SLC4A4: variants seen among roughly 807,000 people sequenced by gnomAD.
SLC4A4 encodes the protein electrogenic sodium bicarbonate cotransporter 1.
SLC4A4 carries 27 observed loss-of-function variants against 111.5 expected under a neutral mutation model. The observed-to-expected ratio is 0.24, with a 90% confidence interval of 0.18 to 0.33. The LOEUF is 0.33. Ranked by LOEUF, SLC4A4 falls within the 10% of genes least tolerant of loss-of-function variation. SLC4A4 has a pLI of 1.00. For missense variants in SLC4A4, 909 were observed against 1,315.5 expected (o/e 0.69, Z 4.78); for synonymous variants, 443 against 463.4 (o/e 0.96, Z 0.57).
At chr4:71,513,837 T>G (rs946827827) in intron 16 of SLC4A4, among the ~76,000 whole-genome samples, 6 of 152,216 alleles carry the variant, frequency 3.9e-5, no homozygotes, top group Non-Finnish European at 7.3e-5. Flanking sequence ...GTTTTTATCA[T>G]GAAAGGATGT....
At chr4:71,246,157 C>T (rs1720643077) in intron 2 of SLC4A4, among the ~76,000 whole-genome samples, 1 of 152,168 alleles carries the variant, frequency 6.6e-6, no homozygotes, top group African/African-American at 2.4e-5. Flanking sequence ...ATGTGCTCCA[C>T]TTCACTTAAC....
chr4:71,244,336 T>C (rs1385152420), intron 2 of SLC4A4, among the ~76,000 whole-genome samples: 1 of 152,232 alleles, frequency 6.6e-6, no homozygotes, highest in Admixed American at 6.5e-5. Context: ...CATGTGGTTA[T>C]GGTTCCTTCA....
At chr4:71,332,263 C>T (rs1275455394) in intron 3 of SLC4A4, among the ~76,000 whole-genome samples, 1 of 151,756 alleles carries the variant, frequency 6.6e-6, no homozygotes, top group Admixed American at 6.6e-5. Context: ...ATGCATTGTT[C>T]GGTTTTTTGT....
rs557194231 is a variant in SLC4A4, at chr4:71,345,572, A to C, written c.390-4340A>C. Among the ~76,000 whole-genome samples, 7 of 152,212 alleles carry C rather than the reference A, an allele frequency of 4.6e-5. No individual in the cohort carries two copies. In the South Asian group the frequency reaches 1.4e-3, roughly 32 times the overall value. On this transcript the variant is annotated intron_variant, in intron 4 of 25. Coordinates refer to ENST00000264485, the MANE Select transcript of SLC4A4 (RefSeq NM_001098484.3). ...GTATTGATGTTTTACTTCCAACTGG[A>C]CACCACAAATGTACACCCACTTGTG... is the stretch of plus-strand genomic sequence containing the variant.
chr4:71,487,030 A>G lies in SLC4A4; in HGVS notation c.1974+12A>G. On this transcript the variant is annotated intron_variant, in intron 15 of 25. Transcript: ENST00000264485. ...CTTCTACTGACATGGTAAGTGACTTACTATTTTAAATTACCTTCATACTGA... is the reference window on the plus strand; with the variant it reads ...CTTCTACTGACATGGTAAGTGACTTGCTATTTTAAATTACCTTCATACTGA... 6.6e-7 allele frequency: 1 copy of G among 1,517,620 alleles called. No homozygotes were observed. The highest frequency in any genetic ancestry group is 9.1e-7 in the Non-Finnish European group (1 of 1,094,386). The allele number at this position is 1,517,620 out of a possible 1,614,324, so 94.0% of individuals were successfully genotyped here.
intron 7 of SLC4A4, among the ~76,000 whole-genome samples, chr4:71,427,345 T>C (rs1265456493): frequency 6.6e-6 from 1 of 152,092 alleles, no homozygotes; most frequent in Admixed American, 6.6e-5. Flanking sequence ...TTTTGATATG[T>C]CATGTGTTCA....
At chr4:71,092,693 G>T (rs184308547) in intron 1 of SLC4A4, among the ~76,000 whole-genome samples, 42 of 152,334 alleles carry the variant, frequency 2.8e-4, no homozygotes, top group African/African-American at 6.7e-4. Context: ...TGTATTATTT[G>T]AGATACATCA....
At position 71,166,409 on chromosome 4, in the gene SLC4A4, G is replaced by C. The variant is rs72860071; in HGVS notation, c.-1-70167G>C. Among the ~76,000 whole-genome samples, 808 of 152,316 alleles carry C rather than the reference G, an allele frequency of 5.3e-3. 9 individuals are homozygous for C. The highest frequency in any genetic ancestry group is 0.019 in the African/African-American group (773 of 41,570). On this transcript the variant is annotated intron_variant, in intron 2 of 26. Coordinates refer to the SLC4A4 transcript ENST00000649996. ...ATCTTAATAACAAAGACCAAATTCT[G>C]TTAGTTCACAGGTCTCATAAGAAAG... is the stretch of plus-strand genomic sequence containing the variant.
At chr4:71,287,940 A>G (rs1469670545) in intron 3 of SLC4A4, among the ~76,000 whole-genome samples, 1 of 151,988 alleles carries the variant, frequency 6.6e-6, no homozygotes, top group Non-Finnish European at 1.5e-5. Context: ...ACTTTATATC[A>G]TCTACTACTG....
intron 6 of SLC4A4, among the ~76,000 whole-genome samples, chr4:71,373,161 C>T (rs1336387609): frequency 6.6e-6 from 1 of 152,134 alleles, no homozygotes; most frequent in Non-Finnish European, 1.5e-5. Flanking sequence ...AACAGCTGTT[C>T]ACCAAGCTTC....
chr4:71,499,566 G>T (rs4435714), intron 16 of SLC4A4, among the ~76,000 whole-genome samples: 1 of 152,146 alleles, frequency 6.6e-6, no homozygotes, highest in Admixed American at 6.6e-5. Context: ...TACTTTGTAC[G>T]CTTTGACCAA....
intron 14 of SLC4A4, among the ~76,000 whole-genome samples, chr4:71,473,733 G>T (rs1165070596): frequency 2.0e-5 from 3 of 151,750 alleles, no homozygotes; most frequent in African/African-American, 7.3e-5. Flanking sequence ...GTTCAGCTTG[G>T]TCTTTGGAAT....
rs534093293 is a variant in SLC4A4, at chr4:71,204,195, T to G, written c.-2+16794T>G. 2.0e-5 allele frequency among the ~76,000 whole-genome samples: 3 copies of G among 152,312 alleles called. No homozygotes were observed. The East Asian group carries it at 5.8e-4, about 29-fold the overall frequency. ...AACAATAAACCTGGTGGGTTCACTTTAAGTGTGGTTTCCTGAAAATTGATG... is the reference window on the plus strand; with the variant it reads ...AACAATAAACCTGGTGGGTTCACTTGAAGTGTGGTTTCCTGAAAATTGATG... On this transcript the variant is annotated intron_variant, in intron 1 of 25. Coordinates refer to ENST00000264485, the MANE Select transcript of SLC4A4 (RefSeq NM_001098484.3).
intron 6 of SLC4A4, among the ~76,000 whole-genome samples, chr4:71,374,240 T>C (rs1393882804): frequency 1.3e-5 from 2 of 152,210 alleles, no homozygotes; most frequent in Admixed American, 1.3e-4. Flanking sequence ...TTTTTTCAGA[T>C]GCAGACTTGT....
At chr4:71,526,487 T>G (rs891051150) in intron 16 of SLC4A4, among the ~76,000 whole-genome samples, 1 of 152,138 alleles carries the variant, frequency 6.6e-6, no homozygotes, top group Non-Finnish European at 1.5e-5. Flanking sequence ...TGTTTTTAGC[T>G]ACTTTTATGC....
chr4:71,323,944 C>T (rs1727308948), intron 3 of SLC4A4, among the ~76,000 whole-genome samples: 1 of 151,896 alleles, frequency 6.6e-6, no homozygotes, highest in African/African-American at 2.4e-5. Context: ...TTGAGAGTTT[C>T]ATGCTTGACT....
rs535301425 is a variant in SLC4A4 at position 71,252,508 on chromosome 4, C to A, written c.74-2712C>A. Among the ~76,000 whole-genome samples, 6 of 152,298 alleles carry A rather than the reference C, an allele frequency of 3.9e-5. No homozygotes were observed. In the East Asian group the frequency reaches 1.2e-3, roughly 29 times the overall value. ...AGAAAAGGAAAATTTAGTTACCAAT[C>A]ACATGTGAGAGGAGGAGGATGCTTT... On this transcript the variant is annotated intron_variant, in intron 2 of 25. Transcript: ENST00000264485.
intron 12 of SLC4A4, among the ~76,000 whole-genome samples, chr4:71,460,899 A>G (rs1362516527): frequency 1.3e-5 from 2 of 152,120 alleles, no homozygotes; most frequent in African/African-American, 4.8e-5. Context: ...ATCTTCTGAG[A>G]TGACTCTCAT....
intron 3 of SLC4A4, among the ~76,000 whole-genome samples, chr4:71,309,088 C>G (rs912034971): frequency 5.3e-5 from 8 of 152,166 alleles, no homozygotes; most frequent in African/African-American, 1.9e-4. Flanking sequence ...GTGGCTTTCC[C>G]CTGACCATGC....
Sources: gnomAD v4.1 joint callset for allele counts (sites outside exome capture counted in the v4.1 genomes callset) on GRCh38, gnomAD v4.1.1 for gene constraint, MANE v1.5 for transcripts, NCBI Gene and HGNC (gene_info 2026-07-23, HGNC 2026-07-21) for gene names.